CDH12: variants seen among roughly 807,000 people sequenced by gnomAD.
The protein encoded by CDH12 is cadherin-12.
CDH12 carries 41 observed loss-of-function variants against 74.1 expected under a neutral mutation model. The observed-to-expected ratio is 0.55, with a 90% CI of 0.43 to 0.72. CDH12 has a LOEUF of 0.72. CDH12 is among the 30% of genes least tolerant of loss of function. The pLI is 0.00. For missense variants in CDH12, 945 were observed against 977.2 expected (o/e 0.97, Z 0.44); for synonymous variants, 399 against 355.0 (o/e 1.12, Z -1.39).
At chr5:22,637,055 GGT>G (rs1344798294) in intron 1 of CDH12, among the ~76,000 whole-genome samples, 5 of 152,142 alleles carry the variant, frequency 3.3e-5, no homozygotes, top group African/African-American at 1.2e-4. Context: ...TCACTAAGGT[GGT>G]TACCCCAATA....
chr5:22,687,080 C>T (rs948075291), intron 1 of CDH12, among the ~76,000 whole-genome samples: 4 of 151,884 alleles, frequency 2.6e-5, no homozygotes, highest in Non-Finnish European at 5.9e-5. Flanking sequence ...TGGATCACGA[C>T]GTCAGAAGAT....
intron 6 of CDH12, among the ~76,000 whole-genome samples, chr5:21,869,783 C>A (rs2150017452): frequency 6.6e-6 from 1 of 152,194 alleles, no homozygotes; most frequent in East Asian, 1.9e-4. Context: ...TTAAGTATGG[C>A]TTAAGGAAAT....
chr5:22,044,315 TA>T (rs903352345), intron 5 of CDH12, among the ~76,000 whole-genome samples: 1 of 152,164 alleles, frequency 6.6e-6, no homozygotes, highest in Non-Finnish European at 1.5e-5. Context: ...GGGTAATTTA[TA>T]AACAAAAGAG....
intron 5 of CDH12, among the ~76,000 whole-genome samples, chr5:22,041,392 A>T: frequency 6.6e-6 from 1 of 152,160 alleles, no homozygotes; most frequent in East Asian, 1.9e-4. Context: ...ATTTAATTAA[A>T]AAGAAAGGCA....
intron 4 of CDH12, among the ~76,000 whole-genome samples, chr5:22,153,291 T>C (rs1419225436): frequency 2.0e-5 from 3 of 151,714 alleles, no homozygotes; most frequent in Non-Finnish European, 4.4e-5. Flanking sequence ...AAATTCTTTA[T>C]AAATTGCAAA....
chr5:22,254,223 T>C (rs1007949493), intron 3 of CDH12, among the ~76,000 whole-genome samples: 4 of 151,878 alleles, frequency 2.6e-5, no homozygotes, highest in Non-Finnish European at 5.9e-5. Context: ...ATTCCAAGAA[T>C]TGGATTAAAT....
chr5:22,390,741 A>G (rs1346009414), intron 3 of CDH12, among the ~76,000 whole-genome samples: 1 of 152,206 alleles, frequency 6.6e-6, no homozygotes, highest in African/African-American at 2.4e-5. Flanking sequence ...AATTGTGGTC[A>G]CGAACACAAA....
chr5:21,996,317 C>T (rs1222293465), intron 5 of CDH12, among the ~76,000 whole-genome samples: 1 of 151,890 alleles, frequency 6.6e-6, no homozygotes, highest in Non-Finnish European at 1.5e-5. Flanking sequence ...TCAGGTATTG[C>T]AAAAATAATG....
intron 3 of CDH12, among the ~76,000 whole-genome samples, chr5:22,316,589 G>A (rs1738643336): frequency 6.6e-6 from 1 of 151,972 alleles, no homozygotes; most frequent in Admixed American, 6.6e-5. Flanking sequence ...AGTTACTTTT[G>A]AAACCAGGGG....
At chr5:22,335,732 G>T (rs1739554260) in intron 3 of CDH12, among the ~76,000 whole-genome samples, 1 of 152,186 alleles carries the variant, frequency 6.6e-6, no homozygotes, top group Non-Finnish European at 1.5e-5. Flanking sequence ...GGAACTGTGA[G>T]TCCAATTAAA....
chr5:22,779,284 A>G (rs573205444), intron 1 of CDH12, among the ~76,000 whole-genome samples: 2 of 152,318 alleles, frequency 1.3e-5, no homozygotes, highest in South Asian at 4.1e-4. Context: ...AATATGTTTC[A>G]GACATATGGG....
intron 6 of CDH12, among the ~76,000 whole-genome samples, chr5:21,924,007 A>G (rs1267225618): frequency 6.6e-6 from 1 of 152,200 alleles, no homozygotes; most frequent in African/African-American, 2.4e-5. Context: ...GTCAGAGAAG[A>G]ATTACTAAAC....
At chr5:22,297,441 G>T (rs191176857) in intron 3 of CDH12, among the ~76,000 whole-genome samples, 1 of 152,236 alleles carries the variant, frequency 6.6e-6, no homozygotes, top group East Asian at 1.9e-4. Flanking sequence ...TTATGCAAAG[G>T]CTTAAAAAGA....
At chr5:22,154,627 TAC>T (rs1219653950) in intron 4 of CDH12, among the ~76,000 whole-genome samples, 1 of 148,650 alleles carries the variant, frequency 6.7e-6, no homozygotes, top group Non-Finnish European at 1.5e-5. Flanking sequence ...CACATATATA[TAC>T]ACACGTATAC....
chr5:22,598,977 C>T (rs541661407), intron 1 of CDH12, among the ~76,000 whole-genome samples: 111 of 152,252 alleles, frequency 7.3e-4, no homozygotes, highest in African/African-American at 2.6e-3. Flanking sequence ...GCTATTACCT[C>T]CTGCATGCTG....
At chr5:21,947,045 C>T (rs548392408) in intron 6 of CDH12, among the ~76,000 whole-genome samples, 7 of 152,332 alleles carry the variant, frequency 4.6e-5, no homozygotes, top group African/African-American at 1.4e-4. Context: ...CCTAGACACA[C>T]TCATTCTCTC....
intron 4 of CDH12, among the ~76,000 whole-genome samples, chr5:22,127,425 C>T (rs1745937679): frequency 6.8e-6 from 1 of 146,152 alleles, no homozygotes; most frequent in Admixed American, 6.9e-5. Context: ...TGCAGTGTGC[C>T]AAGACCGCAT....
At position 21,830,104 on chromosome 5, in the gene CDH12, C is replaced by T. The variant is rs569619852; in HGVS notation, c.814+12057G>A. 7.4e-5 allele frequency among the ~76,000 whole-genome samples: 10 copies of T among 135,904 alleles called. No homozygotes were observed. In the South Asian group the frequency reaches 1.4e-3, roughly 19 times the overall value. The allele number at this position is 135,904 out of a possible 152,430, so 89.2% of individuals were successfully genotyped here. ...ATCCCAGCTACTTGGGAGGCTGAGG[C>T]AAGAGAATCACTTAAACCCAGGAGG... On this transcript the variant is annotated intron_variant, in intron 8 of 14. Coordinates refer to ENST00000382254, the MANE Select transcript of CDH12 (RefSeq NM_004061.5).
chr5:22,031,385 G>T (rs913650251), intron 5 of CDH12, among the ~76,000 whole-genome samples: 1 of 152,050 alleles, frequency 6.6e-6, no homozygotes, highest in African/African-American at 2.4e-5. Flanking sequence ...TGGTTGGTTT[G>T]ATCTTCCACC....
Sources: allele counts gnomAD v4.1 joint callset (sites outside exome capture counted in the v4.1 genomes callset), GRCh38; gene constraint gnomAD v4.1.1; transcripts MANE v1.5; gene names NCBI Gene and HGNC (gene_info 2026-07-23, HGNC 2026-07-21).